The following DGKB variants were observed in gnomAD, a reference collection of about 807,000 sequenced individuals.
DGKB encodes diacylglycerol kinase beta, also known as 90 kDa diacylglycerol kinase.
Under a neutral mutation model 114.3 loss-of-function variants are expected in DGKB, and 67 were observed. The ratio of observed to expected loss-of-function variants is 0.59; its 90% CI spans 0.48 to 0.72. The LOEUF (loss-of-function observed/expected upper bound fraction) is 0.72, where lower values mean the gene tolerates loss of function less well. DGKB is among the 30% of genes least tolerant of loss of function. The pLI, the probability that DGKB is intolerant of heterozygous loss-of-function variation, is 0.00. For synonymous variants in DGKB, 398 were observed against 323.1 expected, an observed-to-expected ratio of 1.23 and a Z score of -2.49; for missense variants, 907 against 975.2, an observed-to-expected ratio of 0.93 and a Z score of 0.93.
At chr7:14,275,349 T>C (rs1798847716) in intron 23 of DGKB, among the ~76,000 whole-genome samples, 1 of 152,178 alleles carries the variant, frequency 6.6e-6, no homozygotes, top group Non-Finnish European at 1.5e-5. Context: ...TTTCTTGAAA[T>C]AATATTGGAT....
At chr7:14,863,901 A>T (rs891868022) in intron 1 of DGKB, among the ~76,000 whole-genome samples, 1 of 152,042 alleles carries the variant, frequency 6.6e-6, no homozygotes, top group South Asian at 2.1e-4. Flanking sequence ...GGAGTTCGAG[A>T]CCAGCCTGAC....
intron 1 of DGKB, among the ~76,000 whole-genome samples, chr7:14,959,858 A>G (rs1268485602): frequency 2.6e-5 from 4 of 151,902 alleles, no homozygotes; most frequent in Non-Finnish European, 4.4e-5. Flanking sequence ...GAAAATGTCT[A>G]TATACCTAAA....
At chr7:14,694,274 C>T (rs1823428042) in intron 8 of DGKB, 80 bp from the exon 9 acceptor site, 6 of 1,271,854 alleles carry the variant, frequency 4.7e-6, no homozygotes, top group Non-Finnish European at 6.6e-6. Flanking sequence ...GAAATTGTGA[C>T]TAACAGCTAA....
intron 1 of DGKB, among the ~76,000 whole-genome samples, chr7:14,900,477 A>C (rs1233194669): frequency 6.6e-6 from 1 of 152,100 alleles, no homozygotes; most frequent in Non-Finnish European, 1.5e-5. Context: ...TGTCATTTCA[A>C]GCCTATAGAT....
At chr7:14,526,191 CA>C (rs778483816) in intron 20 of DGKB, among the ~76,000 whole-genome samples, 2 of 152,060 alleles carry the variant, frequency 1.3e-5, no homozygotes, top group Non-Finnish European at 2.9e-5. Context: ...TGCACTCATT[CA>C]TTTAAATCAG....
intron 1 of DGKB, among the ~76,000 whole-genome samples, chr7:14,869,368 C>T (rs571701138): frequency 1.3e-5 from 2 of 152,018 alleles, no homozygotes; most frequent in East Asian, 3.9e-4. Flanking sequence ...TCCGTAATTT[C>T]TTGTATATTT....
At chr7:14,522,798 T>G (rs1789998943) in intron 20 of DGKB, among the ~76,000 whole-genome samples, 1 of 152,198 alleles carries the variant, frequency 6.6e-6, no homozygotes, top group African/African-American at 2.4e-5. Flanking sequence ...AGCTTCTCAC[T>G]TTGTCATGCC....
At chr7:14,285,720 T>C (rs1800767981) in intron 23 of DGKB, among the ~76,000 whole-genome samples, 1 of 152,126 alleles carries the variant, frequency 6.6e-6, no homozygotes, top group Non-Finnish European at 1.5e-5. Flanking sequence ...AATATATTTT[T>C]GGAAGGTACA....
chr7:14,243,846 G>A (rs188211904), intron 23 of DGKB, among the ~76,000 whole-genome samples: 1,784 of 145,530 alleles, frequency 0.012, 32 homozygotes, highest in African/African-American at 0.048. Context: ...AGCCATTGTC[G>A]TAACTTGAAA....
upstream of DGKB, among the ~76,000 whole-genome samples, chr7:14,904,491 A>G (rs1041589671): frequency 6.6e-6 from 1 of 152,156 alleles, no homozygotes; most frequent in Non-Finnish European, 1.5e-5. Flanking sequence ...GAAGAAAATA[A>G]CCCAAAAGGA....
intron 23 of DGKB, among the ~76,000 whole-genome samples, chr7:14,337,901 C>T (rs1017729528): frequency 1.3e-5 from 2 of 152,082 alleles, no homozygotes; most frequent in Non-Finnish European, 2.9e-5. Flanking sequence ...AACTATATTA[C>T]AATAGAGTTG....
intron 17 of DGKB, among the ~76,000 whole-genome samples, chr7:14,583,437 A>G: frequency 6.6e-6 from 1 of 152,122 alleles, no homozygotes; most frequent in East Asian, 1.9e-4. Context: ...TTTCATTGAT[A>G]TTCTCCCAGA....
intron 25 of DGKB, among the ~76,000 whole-genome samples, chr7:14,152,964 C>T (rs897244971): frequency 2.0e-5 from 3 of 152,018 alleles, no homozygotes; most frequent in Non-Finnish European, 4.4e-5. Context: ...CCTCAAAGTC[C>T]ACTCCCATAA....
rs55845503 is a variant in DGKB, at chr7:14,703,062, T to TGAAAC, written c.467-1333_467-1332insGTTTC. ...GATTCCTTCTCATACAGTCAATAAA[T>TGAAAC]AAAATGCAGAAGGAAACAGCAACTT... is the stretch of plus-strand genomic sequence containing the variant. On this transcript the variant is annotated intron_variant, in intron 6 of 25. Transcript: ENST00000402815. Among the ~76,000 whole-genome samples the TGAAAC allele has an allele frequency of 2.6e-5, 4 of 151,612 alleles. No individual in the cohort carries two copies. In the South Asian group the frequency reaches 8.4e-4, roughly 32 times the overall value.
chr7:14,762,979 G>T (rs1035389755), intron 2 of DGKB, among the ~76,000 whole-genome samples: 2 of 151,978 alleles, frequency 1.3e-5, no homozygotes, highest in African/African-American at 2.4e-5. Flanking sequence ...GTTTCCTGTT[G>T]CTTTTGGATT....
intron 1 of DGKB, among the ~76,000 whole-genome samples, chr7:14,869,895 T>A (rs913288590): frequency 6.6e-6 from 1 of 152,284 alleles, no homozygotes; most frequent in East Asian, 1.9e-4. Context: ...CCAGATCTAG[T>A]TTATGATCTG....
intron 15 of DGKB, among the ~76,000 whole-genome samples, chr7:14,613,933 A>G (rs1429441464): frequency 6.6e-6 from 1 of 151,822 alleles, no homozygotes; most frequent in Non-Finnish European, 1.5e-5. Context: ...TTGGCCTAAG[A>G]GTCCTTATCT....
At chr7:14,570,291 T>C (rs1485342924) in intron 20 of DGKB, among the ~76,000 whole-genome samples, 2 of 152,062 alleles carry the variant, frequency 1.3e-5, no homozygotes, top group Non-Finnish European at 2.9e-5. Context: ...GTTGTTACTC[T>C]CTGCCATTTT....
At chr7:14,393,760 A>ATAG (rs1429053677) in intron 21 of DGKB, among the ~76,000 whole-genome samples, 1 of 152,178 alleles carries the variant, frequency 6.6e-6, no homozygotes, top group African/African-American at 2.4e-5. Flanking sequence ...TAATGTTTTT[A>ATAG]TAGTGTCTAA....
Sources: allele counts gnomAD v4.1 joint callset (sites outside exome capture counted in the v4.1 genomes callset), GRCh38; gene constraint gnomAD v4.1.1; transcripts MANE v1.5; gene names NCBI Gene and HGNC (gene_info 2026-07-23, HGNC 2026-07-21).